The following BAIAP2L1 variants were observed in gnomAD, a reference collection of about 807,000 sequenced individuals.
The protein encoded by BAIAP2L1 is BAR/IMD domain containing adaptor protein 2 like 1.
In BAIAP2L1, 35 loss-of-function variants were observed where a neutral mutation model predicts 66.3. The ratio of observed to expected loss-of-function variants is 0.53; its 90% CI spans 0.40 to 0.70. The LOEUF is 0.70. Among genes scored for constraint, BAIAP2L1 ranks in the 30% least tolerant of loss-of-function variants. The probability of loss-of-function intolerance (pLI) is 0.00; values close to 1 mark genes in which losing one functional copy is unlikely to be tolerated. For synonymous variants in BAIAP2L1, 269 were observed against 248.7 expected, an observed-to-expected ratio of 1.08 and a Z score of -0.77; for missense variants, 622 against 656.9, an observed-to-expected ratio of 0.95 and a Z score of 0.58.
intron 1 of BAIAP2L1, among the ~76,000 whole-genome samples, chr7:98,368,834 T>C (rs896970846): frequency 4.6e-5 from 7 of 151,782 alleles, no homozygotes; most frequent in African/African-American, 1.5e-4. Context: ...TAGCATTCCA[T>C]GGTATGGATA....
chr7:98,328,205 G>A (rs7807555), intron 3 of BAIAP2L1, among the ~76,000 whole-genome samples: 57,572 of 151,992 alleles, frequency 0.38, 12,433 homozygotes, highest in Middle Eastern at 0.54. Flanking sequence ...GAGGAAGATG[G>A]GAAGGCTGGC....
At chr7:98,389,098 T>C (rs1802965222) in intron 1 of BAIAP2L1, among the ~76,000 whole-genome samples, 1 of 152,152 alleles carries the variant, frequency 6.6e-6, no homozygotes, top group South Asian at 2.1e-4. Context: ...AGAAACAGAT[T>C]GGTCTATTAA....
chr7:98,332,670 C>G (rs1801524776), intron 3 of BAIAP2L1, among the ~76,000 whole-genome samples: 1 of 150,576 alleles, frequency 6.6e-6, no homozygotes. Context: ...TTAGCTGGGC[C>G]TAGTGGTGGG....
chr7:98,384,249 G>C (rs566123835), intron 1 of BAIAP2L1, among the ~76,000 whole-genome samples: 1 of 151,776 alleles, frequency 6.6e-6, no homozygotes, highest in East Asian at 1.9e-4. Flanking sequence ...AATTCACAGA[G>C]ACGTGGTGAA....
intron 12 of BAIAP2L1, among the ~76,000 whole-genome samples, chr7:98,295,946 G>A (rs1490182475): frequency 6.6e-6 from 1 of 152,312 alleles, no homozygotes; most frequent in Admixed American, 6.5e-5. Flanking sequence ...CCCCGTGCAC[G>A]CATGCCTGGG....
At chr7:98,301,243 T>C (rs1012844061) in intron 12 of BAIAP2L1, among the ~76,000 whole-genome samples, 7 of 152,192 alleles carry the variant, frequency 4.6e-5, no homozygotes, top group African/African-American at 1.7e-4. Context: ...CCTGTGGGCG[T>C]CACCTCCACC....
chr7:98,327,392 A>G (rs1026073605), intron 3 of BAIAP2L1, among the ~76,000 whole-genome samples: 2 of 147,646 alleles, frequency 1.4e-5, no homozygotes, highest in African/African-American at 5.0e-5. Context: ...AAATAAATAA[A>G]GCCAGGCGTG....
intron 12 of BAIAP2L1, among the ~76,000 whole-genome samples, chr7:98,298,588 G>A (rs1420248204): frequency 6.6e-6 from 1 of 152,030 alleles, no homozygotes; most frequent in Non-Finnish European, 1.5e-5. Flanking sequence ...ACTCCAGCCT[G>A]GGTGACAGAG....
At chr7:98,366,490 GCTCT>G (rs1562786447) in intron 1 of BAIAP2L1, among the ~76,000 whole-genome samples, 2 of 152,116 alleles carry the variant, frequency 1.3e-5, no homozygotes, top group Non-Finnish European at 2.9e-5. Context: ...GGTTCTTCAG[GCTCT>G]CTGAGGTCAC....
intron 3 of BAIAP2L1, among the ~76,000 whole-genome samples, chr7:98,349,144 TTA>T (rs1016368079): frequency 2.3e-4 from 35 of 152,136 alleles, no homozygotes; most frequent in Non-Finnish European, 2.6e-4. Context: ...CCCATGGAGG[TTA>T]TCTCTTAGGC....
rs532753802 is a variant in BAIAP2L1, at chr7:98,336,484, C to T, written c.215-16186G>A. Among the ~76,000 whole-genome samples, 20 of 152,126 alleles carry T rather than the reference C, an allele frequency of 1.3e-4. No homozygotes were observed. In the East Asian group the frequency reaches 3.1e-3, roughly 24 times the overall value. On this transcript the variant is annotated intron_variant, in intron 3 of 13. Coordinates refer to ENST00000005260, the MANE Select transcript of BAIAP2L1 (RefSeq NM_018842.5). ...TACAAAAATTAGCTGGGTGTGGTGG[C>T]GGATGGCTGTAGTTCCAGCTACTTG...
In BAIAP2L1 at chr7:98,293,404, A is replaced by AC; in HGVS notation, c.*116_*117insG. ...AGCATGATTTGCTTAAGCAGGCGACATTAGAGTTAGGCCTCTCCACTGAAG... is the reference window on the plus strand; with the variant it reads ...AGCATGATTTGCTTAAGCAGGCGACACTTAGAGTTAGGCCTCTCCACTGAAG... On this transcript the variant is annotated 3_prime_UTR_variant, in exon 14 of 14. Coordinates refer to ENST00000005260, the MANE Select transcript of BAIAP2L1 (RefSeq NM_018842.5). The AC allele has an allele frequency of 1.1e-6, 1 of 931,636 alleles. No homozygotes were observed. The highest frequency in any genetic ancestry group is 1.5e-5 in the South Asian group (1 of 67,144). The allele number at this position is 931,636 out of a possible 1,614,324, so 57.7% of individuals were successfully genotyped here. A position where few individuals can be genotyped will look rare whatever the true frequency, so the allele number is the denominator to read the frequency against.
chr7:98,333,204 C>T, intron 3 of BAIAP2L1, among the ~76,000 whole-genome samples: 1 of 152,178 alleles, frequency 6.6e-6, no homozygotes, highest in East Asian at 1.9e-4. Context: ...ATCTGTCCAC[C>T]CCACTAGAAT....
chr7:98,330,971 T>C (rs1319919395), intron 3 of BAIAP2L1, among the ~76,000 whole-genome samples: 3 of 152,110 alleles, frequency 2.0e-5, no homozygotes, highest in East Asian at 1.9e-4. Flanking sequence ...CCACCTCCAA[T>C]AGTGGGGGTC....
intron 2 of BAIAP2L1, among the ~76,000 whole-genome samples, chr7:98,359,026 G>C (rs747883473): frequency 2.0e-5 from 3 of 152,200 alleles, no homozygotes; most frequent in African/African-American, 4.8e-5. Flanking sequence ...AGTGAGGACA[G>C]AGTCTGGCCT....
chr7:98,390,892 G>A (rs1039548948), intron 1 of BAIAP2L1, among the ~76,000 whole-genome samples: 20 of 151,908 alleles, frequency 1.3e-4, no homozygotes, highest in Admixed American at 4.6e-4. Flanking sequence ...GCTAGAGTGC[G>A]GTGGCGTGAT....
intron 1 of BAIAP2L1, among the ~76,000 whole-genome samples, chr7:98,393,124 TATATATAC>T (rs1803100812): frequency 9.5e-6 from 1 of 105,020 alleles, no homozygotes; most frequent in Non-Finnish European, 2.3e-5. Flanking sequence ...CACATATATG[TATATATAC>T]ACACATATGT....
intron 12 of BAIAP2L1, among the ~76,000 whole-genome samples, chr7:98,299,465 A>G (rs1800332228): frequency 6.7e-6 from 1 of 148,934 alleles, no homozygotes; most frequent in Non-Finnish European, 1.5e-5. Flanking sequence ...GCAGGCTGCC[A>G]TCTTTTGAGC....
chr7:98,386,978 C>T (rs1802910252), intron 1 of BAIAP2L1, among the ~76,000 whole-genome samples: 1 of 152,114 alleles, frequency 6.6e-6, no homozygotes, highest in African/African-American at 2.4e-5. Flanking sequence ...GGATTACAGG[C>T]GTGAGCCACC....
Sources: gnomAD v4.1 joint callset for allele counts (sites outside exome capture counted in the v4.1 genomes callset) on GRCh38, gnomAD v4.1.1 for gene constraint, MANE v1.5 for transcripts, NCBI Gene and HGNC (gene_info 2026-07-23, HGNC 2026-07-21) for gene names.